Variants in ZNF804B observed in about 807,000 individuals in gnomAD.
The protein encoded by ZNF804B is zinc finger 804B.
A neutral mutation model predicts 101.4 loss-of-function variants in ZNF804B; 80 were observed. That is an observed-to-expected ratio of 0.79 (90% CI 0.66 to 0.95). ZNF804B has a LOEUF of 0.95. Among genes scored for constraint, ZNF804B ranks in the 40% least tolerant of loss-of-function variants. The probability of loss-of-function intolerance (pLI) is 0.00; values close to 1 mark genes in which losing one functional copy is unlikely to be tolerated. For synonymous variants in ZNF804B, 622 were observed against 558.8 expected, an observed-to-expected ratio of 1.11 and a Z score of -1.59; for missense variants, 1,673 against 1,561.9, an observed-to-expected ratio of 1.07 and a Z score of -1.20.
At chr7:89,060,607 G>T (rs994052552) in intron 1 of ZNF804B, among the ~76,000 whole-genome samples, 3 of 151,992 alleles carry the variant, frequency 2.0e-5, no homozygotes, top group African/African-American at 7.3e-5. Flanking sequence ...AATCTCCCCT[G>T]CCAAGTTATT....
At chr7:89,216,606 C>T (rs1275196401) in intron 1 of ZNF804B, among the ~76,000 whole-genome samples, 2 of 152,160 alleles carry the variant, frequency 1.3e-5, no homozygotes. Context: ...AATCCATATA[C>T]TTGGTCTAGT....
chr7:89,320,600 A>G (rs1381067836), intron 2 of ZNF804B, among the ~76,000 whole-genome samples: 2 of 152,140 alleles, frequency 1.3e-5, no homozygotes, highest in Non-Finnish European at 2.9e-5. Flanking sequence ...AGGTAGAAAA[A>G]AATGGAAAAG....
chr7:89,036,081 T>C (rs1788922941), intron 1 of ZNF804B, among the ~76,000 whole-genome samples: 1 of 149,132 alleles, frequency 6.7e-6, no homozygotes, highest in East Asian at 2.0e-4. Flanking sequence ...CAGTATGTGG[T>C]ACCTGCAGTG....
chr7:89,117,436 A>G (rs1181952813), intron 1 of ZNF804B, among the ~76,000 whole-genome samples: 6 of 152,186 alleles, frequency 3.9e-5, no homozygotes, highest in Non-Finnish European at 8.8e-5. Flanking sequence ...CTAAGTTTCT[A>G]TTATTCTTAT....
At chr7:88,851,197 A>G in intron 1 of ZNF804B, among the ~76,000 whole-genome samples, 1 of 152,118 alleles carries the variant, frequency 6.6e-6, no homozygotes, top group African/African-American at 2.4e-5. Context: ...AAGTGCCTGA[A>G]GAAGGAGTAG....
rs913220089 is a variant in ZNF804B at position 89,014,065 on chromosome 7, T to C, written c.109-204090T>C. Among the ~76,000 whole-genome samples, 250 of 152,242 alleles carry C rather than the reference T, an allele frequency of 1.6e-3. 1 individual carries two copies. Among genetic ancestry groups the C allele is most frequent in the African/African-American group, 5.8e-3 (240 of 41,554 alleles). On this transcript the variant is annotated intron_variant, in intron 1 of 3. Transcript: ENST00000333190. ...TTTTTATTGCCTTCCTTTGGATAAA[T>C]ACTTAGTAGTGGAATTGTTGAATCA...
chr7:89,103,064 T>TG (rs1562885462), intron 1 of ZNF804B, among the ~76,000 whole-genome samples: 4 of 135,120 alleles, frequency 3.0e-5, no homozygotes, highest in Admixed American at 7.3e-5. Context: ...TTTTTTTTTT[T>TG]TTTTTTTTTT....
intron 1 of ZNF804B, among the ~76,000 whole-genome samples, chr7:88,916,164 A>G (rs1376258424): frequency 6.6e-6 from 1 of 152,070 alleles, no homozygotes; most frequent in East Asian, 1.9e-4. Context: ...AGGCTACTGA[A>G]TTTACATTTT....
chr7:89,244,322 C>A (rs1431639818), intron 2 of ZNF804B, among the ~76,000 whole-genome samples: 2 of 152,000 alleles, frequency 1.3e-5, no homozygotes, highest in African/African-American at 4.8e-5. Flanking sequence ...TGAAATGTTT[C>A]AAAACTTACT....
intron 1 of ZNF804B, among the ~76,000 whole-genome samples, chr7:88,976,602 A>G (rs1271153035): frequency 6.6e-6 from 1 of 151,464 alleles, no homozygotes; most frequent in African/African-American, 2.4e-5. Context: ...CTGCAACTCT[A>G]CTGAATTTAT....
chr7:88,922,888 C>T (rs1041295863), intron 1 of ZNF804B, among the ~76,000 whole-genome samples: 3 of 151,748 alleles, frequency 2.0e-5, no homozygotes, highest in Admixed American at 1.3e-4. Flanking sequence ...CAAGTTATTC[C>T]TCTTACATCT....
At position 88,799,496 on chromosome 7, in the gene ZNF804B, C is replaced by T. The variant is rs576115074; in HGVS notation, c.108+39412C>T. On this transcript the variant is annotated intron_variant, in intron 1 of 3. Coordinates refer to ENST00000333190, the MANE Select transcript of ZNF804B (RefSeq NM_181646.5). ...TCCATGACCATAGTGTCATTCTTCCCCCTGTCTATGAGATGATTCCTCTGG... is the reference window on the plus strand; with the variant it reads ...TCCATGACCATAGTGTCATTCTTCCTCCTGTCTATGAGATGATTCCTCTGG... Among the ~76,000 whole-genome samples the T allele has an allele frequency of 2.2e-4, 33 of 152,130 alleles. No individual in the cohort carries two copies. The South Asian group carries it at 6.2e-3, about 29-fold the overall frequency.
intron 2 of ZNF804B, among the ~76,000 whole-genome samples, chr7:89,222,121 A>G (rs1789013461): frequency 6.6e-6 from 1 of 151,986 alleles, no homozygotes; most frequent in African/African-American, 2.4e-5. Flanking sequence ...TAGGTCCTAT[A>G]TGGTAGAAAA....
At chr7:89,162,811 C>A (rs1346177250) in intron 1 of ZNF804B, among the ~76,000 whole-genome samples, 1 of 109,012 alleles carries the variant, frequency 9.2e-6, no homozygotes, top group Non-Finnish European at 1.9e-5. Flanking sequence ...CCCCTCCCCC[C>A]ACCCCACAAC....
intron 1 of ZNF804B, among the ~76,000 whole-genome samples, chr7:89,055,843 T>A (rs911785374): frequency 3.3e-5 from 5 of 152,074 alleles, no homozygotes; most frequent in African/African-American, 9.7e-5. Context: ...TGCAGATTCA[T>A]TTCCTCAAGT....
chr7:88,943,954 G>C (rs1486969485), intron 1 of ZNF804B, among the ~76,000 whole-genome samples: 4 of 151,690 alleles, frequency 2.6e-5, no homozygotes, highest in Non-Finnish European at 4.4e-5. Context: ...TTTTATAACT[G>C]AATAGTATTG....
chr7:89,139,465 A>G (rs1316409465), intron 1 of ZNF804B, among the ~76,000 whole-genome samples: 1 of 152,104 alleles, frequency 6.6e-6, no homozygotes, highest in Middle Eastern at 3.2e-3. Context: ...ATAGCATTTC[A>G]TCCACAGCAG....
In ZNF804B at chr7:89,194,577, C is replaced by T. The variant is rs562941074; in HGVS notation, c.109-23578C>T. Among the ~76,000 whole-genome samples the T allele has an allele frequency of 9.3e-5, 14 of 151,222 alleles. No homozygotes were observed. In the East Asian group the frequency reaches 2.5e-3, roughly 27 times the overall value. ...TCATTTATTAAATAAGGAATCCTTTCCCCATTGCTTGTTTTTCTCAGGTTT... is the reference window on the plus strand; with the variant it reads ...TCATTTATTAAATAAGGAATCCTTTTCCCATTGCTTGTTTTTCTCAGGTTT... On this transcript the variant is annotated intron_variant, in intron 1 of 3. Transcript: ENST00000333190.
At chr7:89,321,621 A>G (rs531242834) in intron 2 of ZNF804B, among the ~76,000 whole-genome samples, 1 of 152,266 alleles carries the variant, frequency 6.6e-6, no homozygotes, top group Admixed American at 6.5e-5. Flanking sequence ...TAAAAAGCAT[A>G]TAGAAAAAAG....
Sources: allele counts gnomAD v4.1 joint callset (sites outside exome capture counted in the v4.1 genomes callset), GRCh38; gene constraint gnomAD v4.1.1; transcripts MANE v1.5; gene names NCBI Gene and HGNC (gene_info 2026-07-23, HGNC 2026-07-21).